The following RBM47 variants were observed in gnomAD, a reference collection of about 807,000 sequenced individuals.
RBM47 encodes RNA binding motif protein 47.
In RBM47, 21 loss-of-function variants were observed where a neutral mutation model predicts 47.1. The observed-to-expected ratio is 0.45, with a 90% CI of 0.32 to 0.64. RBM47 has a LOEUF of 0.64. Ranked by LOEUF, RBM47 falls within the 30% of genes least tolerant of loss-of-function variation. The pLI, the probability that RBM47 is intolerant of heterozygous loss-of-function variation, is 0.05. For missense variants in RBM47, 708 were observed against 870.9 expected (o/e 0.81, Z 2.35); for synonymous variants, 375 against 361.7 (o/e 1.04, Z -0.42).
At chr4:40,617,700 TATAA>T (rs1208084937) in intron 1 of RBM47, among the ~76,000 whole-genome samples, 1 of 150,750 alleles carries the variant, frequency 6.6e-6, no homozygotes, top group Admixed American at 6.6e-5. Context: ...AAATATATAA[TATAA>T]ATATTAAAAT....
intron 1 of RBM47, among the ~76,000 whole-genome samples, chr4:40,590,541 T>C (rs899854596): frequency 2.0e-5 from 3 of 152,172 alleles, no homozygotes; most frequent in African/African-American, 7.2e-5. Flanking sequence ...CTTAGACACA[T>C]TGCCTCACCT....
At chr4:40,573,366 T>C (rs1161050150) in intron 1 of RBM47, among the ~76,000 whole-genome samples, 2 of 151,834 alleles carry the variant, frequency 1.3e-5, no homozygotes, top group Admixed American at 1.3e-4. Context: ...ATTTTATAAT[T>C]AGCTTAAAAT....
Position 40,488,334 on chromosome 4 carries a change from G to GA in RBM47, c.-154-21636dup, listed in dbSNP as rs796301835. ...GACAGAGCGAGACTCTGTCTCAAAA[G>GA]AAAAAAAAAAGGGTGGGGGGGAAGG... On this transcript the variant is annotated intron_variant, in intron 2 of 6. Transcript: ENST00000295971. Among the ~76,000 whole-genome samples, 37 of 67,394 alleles carry GA rather than the reference G, an allele frequency of 5.5e-4. 1 individual carries two copies. The highest frequency in any genetic ancestry group is 1.1e-3 in the African/African-American group (18 of 17,050). The allele number at this position is 67,394 out of a possible 152,430, so 44.2% of individuals were successfully genotyped here.
intron 2 of RBM47, among the ~76,000 whole-genome samples, chr4:40,535,105 G>T (rs1460785460): frequency 6.6e-6 from 1 of 152,128 alleles, no homozygotes; most frequent in Non-Finnish European, 1.5e-5. Flanking sequence ...GATTATGGAA[G>T]AGATCAAATG....
At chr4:40,439,021 G>T in intron 3 of RBM47, 97 bp from the exon 4 acceptor site, 1 of 1,046,828 alleles carries the variant, frequency 9.6e-7, no homozygotes, top group Non-Finnish European at 1.3e-6. Context: ...AATAGGCCAC[G>T]GGGAAGGGGA....
intron 2 of RBM47, among the ~76,000 whole-genome samples, chr4:40,535,367 A>ATTTCTTTTTTTTTTTTT (rs1727836803): frequency 1.2e-5 from 1 of 86,260 alleles, no homozygotes; most frequent in African/African-American, 6.4e-5. Flanking sequence ...CTGGTATGGT[A>ATTTCTTTTTTTTTTTTT]TTTCTTTTTT....
chr4:40,475,169 C>T (rs1212878609), intron 2 of RBM47, among the ~76,000 whole-genome samples: 1 of 152,176 alleles, frequency 6.6e-6, no homozygotes, highest in Non-Finnish European at 1.5e-5. Flanking sequence ...TAAAAGTCTT[C>T]TTATACAAGA....
In RBM47 at chr4:40,475,307, T is replaced by G. The variant is rs7697950; in HGVS notation, c.-154-8608A>C. On this transcript the variant is annotated intron_variant, in intron 2 of 6. Transcript: ENST00000295971. ...AATTATAATTTCCTTCTCTAAACACTGACTCTGAAATGGCTTTAAAAATCA... is the reference window on the plus strand; with the variant it reads ...AATTATAATTTCCTTCTCTAAACACGGACTCTGAAATGGCTTTAAAAATCA... Among the ~76,000 whole-genome samples, 349 of 152,294 alleles carry G rather than the reference T, an allele frequency of 2.3e-3. 1 individual carries two copies. The highest frequency in any genetic ancestry group is 8.1e-3 in the African/African-American group (335 of 41,566).
intron 1 of RBM47, among the ~76,000 whole-genome samples, chr4:40,572,354 G>A (rs564255127): frequency 1.9e-4 from 27 of 144,950 alleles, no homozygotes; most frequent in Middle Eastern, 3.4e-3. Context: ...GTGACAGAGC[G>A]AGACTCCATC....
At chr4:40,510,502 C>T (rs1724785424) in intron 2 of RBM47, among the ~76,000 whole-genome samples, 1 of 152,070 alleles carries the variant, frequency 6.6e-6, no homozygotes, top group South Asian at 2.1e-4. Flanking sequence ...GCAAAAGAGG[C>T]AAGCATAAAA....
chr4:40,496,627 C>T (rs1257391289), intron 2 of RBM47, among the ~76,000 whole-genome samples: 2 of 152,206 alleles, frequency 1.3e-5, no homozygotes, highest in African/African-American at 2.4e-5. Flanking sequence ...ACAACCACAG[C>T]GATCACTGTT....
At chr4:40,499,431 A>G (rs1415913130) in intron 2 of RBM47, among the ~76,000 whole-genome samples, 1 of 152,142 alleles carries the variant, frequency 6.6e-6, no homozygotes, top group East Asian at 1.9e-4. Flanking sequence ...TTATTTTGAG[A>G]TGGAGTCTTG....
chr4:40,587,124 G>A (rs947765329), intron 1 of RBM47, among the ~76,000 whole-genome samples: 1 of 152,156 alleles, frequency 6.6e-6, no homozygotes, highest in African/African-American at 2.4e-5. Flanking sequence ...TGCATGGAAA[G>A]GGCTTTGTGA....
chr4:40,437,086 A>ATATATAT (rs1445157694), intron 4 of RBM47, among the ~76,000 whole-genome samples: 3 of 58,040 alleles, frequency 5.2e-5, no homozygotes, highest in African/African-American at 3.0e-4. Flanking sequence ...AAAAAAAAAA[A>ATATATAT]AAAAATATAT....
intron 1 of RBM47, among the ~76,000 whole-genome samples, chr4:40,620,513 A>C (rs902451798): frequency 3.3e-5 from 5 of 152,206 alleles, no homozygotes; most frequent in African/African-American, 1.2e-4. Flanking sequence ...CTCAAAAAAA[A>C]ACAAAAAGTC....
At chr4:40,437,132 A>AT (rs1712711696) in intron 4 of RBM47, among the ~76,000 whole-genome samples, 2 of 97,338 alleles carry the variant, frequency 2.1e-5, no homozygotes, top group African/African-American at 9.0e-5. Flanking sequence ...ATATATATAT[A>AT]AAATACATAT....
chr4:40,534,438 T>C (rs1194550693), intron 2 of RBM47, among the ~76,000 whole-genome samples: 3 of 152,148 alleles, frequency 2.0e-5, no homozygotes, highest in East Asian at 1.9e-4. Flanking sequence ...GAGGCCAAAA[T>C]AGAACCCACC....
At chr4:40,526,654 G>A (rs940410016) in intron 2 of RBM47, among the ~76,000 whole-genome samples, 5 of 151,924 alleles carry the variant, frequency 3.3e-5, no homozygotes, top group African/African-American at 1.2e-4. Context: ...GCTCACTGCA[G>A]CCTCAACCTC....
chr4:40,463,232 A>C, intron 3 of RBM47, among the ~76,000 whole-genome samples: 1 of 152,244 alleles, frequency 6.6e-6, no homozygotes, highest in East Asian at 1.9e-4. Context: ...CCTTGAAAAA[A>C]TAAAGAAGAC....
Sources: gnomAD v4.1 joint callset for allele counts (sites outside exome capture counted in the v4.1 genomes callset) on GRCh38, gnomAD v4.1.1 for gene constraint, MANE v1.5 for transcripts, NCBI Gene and HGNC (gene_info 2026-07-23, HGNC 2026-07-21) for gene names.